The following NRXN3 variants were observed in gnomAD, a reference collection of about 807,000 sequenced individuals.
NRXN3 encodes the protein neurexin III.
A neutral mutation model predicts 137.6 loss-of-function variants in NRXN3; 32 were observed. That is an observed-to-expected ratio of 0.23 (90% CI 0.18 to 0.31). The LOEUF is 0.31. Among genes scored for constraint, NRXN3 ranks in the 10% least tolerant of loss-of-function variants. NRXN3 has a pLI of 1.00. For missense variants in NRXN3, 1,574 were observed against 2,062.5 expected (o/e 0.76, Z 4.59); for synonymous variants, 798 against 784.5 (o/e 1.02, Z -0.29).
intron 15 of NRXN3, among the ~76,000 whole-genome samples, chr14:79,329,023 A>G (rs1281748148): frequency 6.6e-6 from 1 of 151,992 alleles, no homozygotes; most frequent in Non-Finnish European, 1.5e-5. Context: ...AAGAAAGGCT[A>G]TAATTAGGTT....
chr14:79,629,955 G>C (rs2098327733), intron 16 of NRXN3, among the ~76,000 whole-genome samples: 2 of 152,064 alleles, frequency 1.3e-5, no homozygotes, highest in South Asian at 2.1e-4. Flanking sequence ...GAGTAAGGGG[G>C]TAGTTAATGA....
At chr14:78,432,484 G>A (rs2093922602) in intron 4 of NRXN3, among the ~76,000 whole-genome samples, 1 of 152,140 alleles carries the variant, frequency 6.6e-6, no homozygotes, top group Non-Finnish European at 1.5e-5. Flanking sequence ...CGACCCAACA[G>A]TGAAAAAGTG....
intron 4 of NRXN3, among the ~76,000 whole-genome samples, chr14:78,467,592 A>G (rs1360739752): frequency 1.3e-5 from 2 of 152,224 alleles, no homozygotes; most frequent in African/African-American, 4.8e-5. Flanking sequence ...TTGTTTATGC[A>G]GTGAACAGTG....
chr14:79,202,117 AGAGC>A (rs2066122055), intron 15 of NRXN3, among the ~76,000 whole-genome samples: 1 of 150,702 alleles, frequency 6.6e-6, no homozygotes, highest in South Asian at 2.1e-4. Context: ...TTATTGAGCT[AGAGC>A]TTGAGGGTGT....
At chr14:78,440,487 G>C (rs1325574091) in intron 4 of NRXN3, among the ~76,000 whole-genome samples, 1 of 152,082 alleles carries the variant, frequency 6.6e-6, no homozygotes, top group African/African-American at 2.4e-5. Context: ...TTTGTTGGGA[G>C]ATAAGTAGGC....
rs564333555 is a variant in NRXN3 at position 79,602,702 on chromosome 14, T to C, written c.3445-61076T>C. Among the ~76,000 whole-genome samples, 4 of 151,738 alleles carry C rather than the reference T, an allele frequency of 2.6e-5. No individual in the cohort carries two copies. The South Asian group carries it at 8.3e-4, about 32-fold the overall frequency. ...AACAAAAGATCTAACCAGTTCCTCC[T>C]AGAACTAGAAGATATTTGAAAATTA... On this transcript the variant is annotated intron_variant, in intron 16 of 20. Coordinates refer to ENST00000335750, the MANE Select transcript of NRXN3 (RefSeq NM_001330195.2).
chr14:78,819,042 G>T (rs1474162548), intron 10 of NRXN3, among the ~76,000 whole-genome samples: 1 of 152,106 alleles, frequency 6.6e-6, no homozygotes, highest in African/African-American at 2.4e-5. Flanking sequence ...GGATTTTCCT[G>T]ATTTCCTTTT....
At chr14:78,310,149 A>G (rs971511291) in intron 4 of NRXN3, among the ~76,000 whole-genome samples, 1 of 151,992 alleles carries the variant, frequency 6.6e-6, no homozygotes, top group African/African-American at 2.4e-5. Context: ...GAAAACTGCT[A>G]GGAACTTTAG....
At chr14:79,214,746 A>G (rs1394353172) in intron 15 of NRXN3, among the ~76,000 whole-genome samples, 3 of 152,168 alleles carry the variant, frequency 2.0e-5, no homozygotes, top group Non-Finnish European at 2.9e-5. Flanking sequence ...ACTTTTGCTT[A>G]TCTTTGTCAG....
intron 15 of NRXN3, among the ~76,000 whole-genome samples, chr14:79,309,926 C>G (rs1295639175): frequency 9.3e-6 from 1 of 107,470 alleles, no homozygotes; most frequent in Non-Finnish European, 1.8e-5. Flanking sequence ...TGCAGAAGCT[C>G]TTTAGTTTAA....
intron 15 of NRXN3, among the ~76,000 whole-genome samples, chr14:79,462,532 A>T (rs116611705): frequency 0.015 from 2,278 of 150,184 alleles, 55 homozygotes; most frequent in African/African-American, 0.052. Flanking sequence ...TATATATATA[A>T]AAAAATACAT....
intron 15 of NRXN3, among the ~76,000 whole-genome samples, chr14:79,027,250 G>A (rs1467995313): frequency 6.6e-6 from 1 of 151,738 alleles, no homozygotes; most frequent in Non-Finnish European, 1.5e-5. Flanking sequence ...TAGTAAGCAA[G>A]TGATTCAATC....
intron 16 of NRXN3, among the ~76,000 whole-genome samples, chr14:79,660,455 A>G (rs896757210): frequency 6.6e-6 from 1 of 152,198 alleles, no homozygotes; most frequent in Non-Finnish European, 1.5e-5. Flanking sequence ...TAACAGGATT[A>G]AGAAGATCTC....
intron 8 of NRXN3, among the ~76,000 whole-genome samples, chr14:78,746,054 A>T (rs999505644): frequency 6.6e-6 from 1 of 152,236 alleles, no homozygotes; most frequent in Non-Finnish European, 1.5e-5. Context: ...ACATTAGGAT[A>T]CTGACTTATG....
intron 8 of NRXN3, among the ~76,000 whole-genome samples, chr14:78,719,631 C>A (rs1285475283): frequency 6.6e-6 from 1 of 152,098 alleles, no homozygotes; most frequent in African/African-American, 2.4e-5. Context: ...CACCTGAGGT[C>A]AGGAGTTCAA....
chr14:79,143,716 C>T (rs1014439510), intron 15 of NRXN3, among the ~76,000 whole-genome samples: 3 of 152,170 alleles, frequency 2.0e-5, no homozygotes, highest in African/African-American at 7.2e-5. Context: ...AAATTACCTT[C>T]CATTTTGGAG....
chr14:78,425,777 G>T (rs1167833750), intron 4 of NRXN3, among the ~76,000 whole-genome samples: 2 of 152,062 alleles, frequency 1.3e-5, no homozygotes, highest in Non-Finnish European at 2.9e-5. Flanking sequence ...TCTTCGATTT[G>T]TACCACAGTT....
chr14:78,968,525 C>T (rs1323125212), intron 14 of NRXN3, among the ~76,000 whole-genome samples, 179 bp downstream of exon 14: 1 of 152,120 alleles, frequency 6.6e-6, no homozygotes, highest in Admixed American at 6.5e-5. Flanking sequence ...AAGACATGTG[C>T]CACAGGCTCC....
At chr14:79,079,113 CTT>C (rs2046460025) in intron 15 of NRXN3, among the ~76,000 whole-genome samples, 1 of 152,196 alleles carries the variant, frequency 6.6e-6, no homozygotes, top group Admixed American at 6.6e-5. Flanking sequence ...TCCTGGCACT[CTT>C]CTGATTCCTG....
Sources: allele counts gnomAD v4.1 joint callset (sites outside exome capture counted in the v4.1 genomes callset), GRCh38; gene constraint gnomAD v4.1.1; transcripts MANE v1.5; gene names NCBI Gene and HGNC (gene_info 2026-07-23, HGNC 2026-07-21).